The following NARS2 variants were observed in gnomAD, a reference collection of about 807,000 sequenced individuals.
NARS2 encodes asparaginyl-tRNA synthetase.
In NARS2, 60 loss-of-function variants were observed where a neutral mutation model predicts 62.9. The observed-to-expected ratio is 0.95, with a 90% CI of 0.77 to 1.18. The LOEUF (loss-of-function observed/expected upper bound fraction) is 1.18, where lower values mean the gene tolerates loss of function less well. Among genes scored for constraint, NARS2 ranks in the 50% most tolerant of loss-of-function variants. The pLI is 0.00. For missense variants in NARS2, 619 were observed against 576.4 expected, an observed-to-expected ratio of 1.07 and a Z score of -0.76; for synonymous variants, 196 against 200.0, an observed-to-expected ratio of 0.98 and a Z score of 0.17.
chr11:78,479,850 A>T (rs1001336826), intron 7 of NARS2, among the ~76,000 whole-genome samples: 1 of 152,206 alleles, frequency 6.6e-6, no homozygotes, highest in African/African-American at 2.4e-5. Context: ...AAAACACTTA[A>T]ATACCAGTGA....
intron 6 of NARS2, among the ~76,000 whole-genome samples, chr11:78,495,727 A>C (rs1033470723): frequency 6.6e-6 from 1 of 152,192 alleles, no homozygotes; most frequent in Non-Finnish European, 1.5e-5. Flanking sequence ...CTCAGTACCT[A>C]AAAGGGGTCA....
intron 6 of NARS2, 22 bp from the exon 7 acceptor site, chr11:78,493,217 A>C (rs1859905802): frequency 6.3e-7 from 1 of 1,599,772 alleles, no homozygotes; most frequent in Non-Finnish European, 8.5e-7. Flanking sequence ...GATTAAGAGA[A>C]TGCAAATAGA....
At chr11:78,508,980 T>G (rs1457339542) in intron 6 of NARS2, among the ~76,000 whole-genome samples, 1 of 151,726 alleles carries the variant, frequency 6.6e-6, no homozygotes, top group Non-Finnish European at 1.5e-5. Context: ...CTGGGTATAG[T>G]GGTGCACGCA....
chr11:78,555,046 T>C (rs1479762291), intron 5 of NARS2, among the ~76,000 whole-genome samples: 2 of 152,252 alleles, frequency 1.3e-5, no homozygotes, highest in African/African-American at 4.8e-5. Flanking sequence ...GATTGATTTT[T>C]GTATGCTGAA....
At chr11:78,438,080 T>A (rs1402535916) in intron 13 of NARS2, among the ~76,000 whole-genome samples, 1 of 151,302 alleles carries the variant, frequency 6.6e-6, no homozygotes, top group African/African-American at 2.4e-5. Context: ...GTAAGCAACA[T>A]AACTTGTAGC....
At chr11:78,499,595 T>G (rs1200471573) in intron 6 of NARS2, among the ~76,000 whole-genome samples, 6 of 152,196 alleles carry the variant, frequency 3.9e-5, no homozygotes, top group African/African-American at 1.4e-4. Flanking sequence ...TGTCACATAT[T>G]TTTGCTCTGT....
rs181844483 is a variant in NARS2 at position 78,557,124 on chromosome 11, A to G, written c.594+2415T>C. On this transcript the variant is annotated intron_variant, in intron 5 of 13. Coordinates refer to ENST00000281038, the MANE Select transcript of NARS2 (RefSeq NM_024678.6). ...ATGGAGATGAGGGAAAGGAAGAGTA[A>G]AATGATAGAGCATGCATTCACTTCT... 9.1e-4 allele frequency among the ~76,000 whole-genome samples: 139 copies of G among 152,334 alleles called. 1 individual carries two copies. Among genetic ancestry groups the G allele is most frequent in the Middle Eastern group, 6.8e-3 (2 of 294 alleles).
intron 4 of NARS2, among the ~76,000 whole-genome samples, chr11:78,564,995 C>T (rs868058387): frequency 6.6e-6 from 1 of 152,144 alleles, no homozygotes; most frequent in African/African-American, 2.4e-5. Flanking sequence ...ACAACCTCTG[C>T]AAATTAGGTG....
At chr11:78,519,346 T>C (rs954784819) in intron 6 of NARS2, among the ~76,000 whole-genome samples, 6 of 152,136 alleles carry the variant, frequency 3.9e-5, no homozygotes, top group Admixed American at 6.5e-5. Flanking sequence ...CCCAAGTTGA[T>C]TGCCCCAAAC....
intron 9 of NARS2, among the ~76,000 whole-genome samples, chr11:78,475,258 T>C (rs1258219901): frequency 6.6e-6 from 1 of 152,196 alleles, no homozygotes; most frequent in Non-Finnish European, 1.5e-5. Context: ...TTCCTTTGAA[T>C]AGTATTCCAC....
At chr11:78,492,939 T>C (rs1392326410) in intron 7 of NARS2, 124 bp downstream of exon 7, 36 of 767,818 alleles carry the variant, frequency 4.7e-5, no homozygotes, top group Non-Finnish European at 7.3e-5. Context: ...TAAGTGTTTA[T>C]TAAGTAGTTA....
chr11:78,552,354 C>T (rs899902183), intron 5 of NARS2, among the ~76,000 whole-genome samples: 28 of 152,168 alleles, frequency 1.8e-4, no homozygotes, highest in African/African-American at 3.6e-4. Flanking sequence ...TAATATTCTA[C>T]GGTGTATGTG....
intron 5 of NARS2, chr11:78,555,101 A>C (rs79012611): frequency 2.6e-5 from 4 of 152,284 alleles, no homozygotes; most frequent in South Asian, 4.1e-4. Flanking sequence ...TGGTGGATTA[A>C]ATTTCTGATG....
chr11:78,445,783 C>A (rs886397394), intron 11 of NARS2, among the ~76,000 whole-genome samples: 18 of 152,056 alleles, frequency 1.2e-4, no homozygotes, highest in African/African-American at 4.1e-4. Flanking sequence ...GACTCCGTCC[C>A]TACAAAATAA....
rs576440807 is a variant in NARS2 at position 78,543,199 on chromosome 11, A to G, written c.595-14263T>C. Reference sequence around the variant, plus strand: ...TGTCAAAAAAAAAGAATAAGCCATTATAAAGCATACTCATATAAAAGTCAC... The same window carrying G: ...TGTCAAAAAAAAAGAATAAGCCATTGTAAAGCATACTCATATAAAAGTCAC... On this transcript the variant is annotated intron_variant, in intron 5 of 13. Coordinates refer to ENST00000281038, the MANE Select transcript of NARS2 (RefSeq NM_024678.6). 2.6e-5 allele frequency among the ~76,000 whole-genome samples: 4 copies of G among 152,338 alleles called. No homozygotes were observed. In the South Asian group the frequency reaches 6.2e-4, roughly 24 times the overall value.
chr11:78,463,713 CAAA>C (rs10649252), intron 11 of NARS2, among the ~76,000 whole-genome samples: 42 of 47,992 alleles, frequency 8.8e-4, no homozygotes, highest in African/African-American at 3.0e-3. Flanking sequence ...TAGTTAAGGT[CAAA>C]AAAAAAAAAA....
chr11:78,463,958 G>A (rs558315911), intron 11 of NARS2, among the ~76,000 whole-genome samples: 2 of 152,286 alleles, frequency 1.3e-5, no homozygotes, highest in East Asian at 1.9e-4. Context: ...TGCAGTGTCC[G>A]GAATTGGTGG....
At chr11:78,493,794 T>G (rs922076920) in intron 6 of NARS2, among the ~76,000 whole-genome samples, 3 of 152,132 alleles carry the variant, frequency 2.0e-5, no homozygotes, top group African/African-American at 7.2e-5. Context: ...CACTTCTGGG[T>G]GCACTCTACT....
At chr11:78,481,553 T>C (rs900423142) in intron 7 of NARS2, among the ~76,000 whole-genome samples, 3 of 152,140 alleles carry the variant, frequency 2.0e-5, no homozygotes, top group Non-Finnish European at 4.4e-5. Context: ...TCCTGAGAAG[T>C]ACATTTCCAG....
Sources: gnomAD v4.1 joint callset for allele counts (sites outside exome capture counted in the v4.1 genomes callset) on GRCh38, gnomAD v4.1.1 for gene constraint, MANE v1.5 for transcripts, NCBI Gene and HGNC (gene_info 2026-07-23, HGNC 2026-07-21) for gene names.